Variants in ESR1 observed in about 807,000 individuals in gnomAD.
ESR1 encodes estrogen receptor 1, also known as estrogen receptor.
ESR1 carries 12 observed loss-of-function variants against 52.7 expected under a neutral mutation model. That is an observed-to-expected ratio of 0.23 (90% confidence interval 0.15 to 0.37). ESR1 has a LOEUF of 0.37. ESR1 is among the 10% of genes least tolerant of loss of function. The pLI is 1.00. For missense variants in ESR1, 584 were observed against 779.7 expected (o/e 0.75, Z 2.99); for synonymous variants, 305 against 316.8 (o/e 0.96, Z 0.39).
intron 2 of ESR1, among the ~76,000 whole-genome samples, chr6:151,739,137 T>C (rs1044823506): frequency 5.3e-5 from 8 of 152,340 alleles, no homozygotes; most frequent in Admixed American, 5.2e-4. Flanking sequence ...CTGTCTTGTC[T>C]TGACCACTAG....
At chr6:152,120,232 A>G (rs918122906) in intron 6 of ESR1, among the ~76,000 whole-genome samples, 3 of 152,192 alleles carry the variant, frequency 2.0e-5, no homozygotes, top group African/African-American at 7.2e-5. Context: ...CCTGAAGGGC[A>G]AAACTGCTCT....
chr6:151,984,444 A>C (rs1269890765), intron 4 of ESR1, among the ~76,000 whole-genome samples: 2 of 152,170 alleles, frequency 1.3e-5, no homozygotes, highest in Admixed American at 6.5e-5. Context: ...CTTGGTAATC[A>C]ATGTTGGGAC....
rs775405192 is a variant in ESR1, at chr6:151,944,229, G to A, written c.817G>A (p.Asp273Asn). ...GTTGAAACACAAGCGCCAGAGAGATGATGGGGAGGGCAGGGGTGAAGTGGG... is the reference window on the plus strand; with the variant it reads ...GTTGAAACACAAGCGCCAGAGAGATAATGGGGAGGGCAGGGGTGAAGTGGG... ...RMLKHKRQRD[D>N]GEGRGEVGSA... is the part of the protein sequence containing the mutation. Residue 273 changes from aspartate to asparagine, a missense_variant, in exon 4 of 8, where the codon GAT becomes AAT. Asp to Asn is a conservative substitution (Grantham distance 23). Around this residue, in one of 6 missense-constraint regions of ESR1, gnomAD observed 88 missense variants for 88.3 expected, o/e 1.00. Coordinates refer to ENST00000206249, the MANE Select transcript of ESR1 (RefSeq NM_000125.4). 10 of 1,614,052 alleles carry A rather than the reference G, an allele frequency of 6.2e-6. No individual in the cohort carries two copies. The East Asian group carries it at 1.8e-4, about 29-fold the overall frequency.
At chr6:151,801,672 T>C (rs921374246), upstream of ESR1, among the ~76,000 whole-genome samples, 1 of 152,252 alleles carries the variant, frequency 6.6e-6, no homozygotes, top group Non-Finnish European at 1.5e-5. Context: ...ATTTGACTTC[T>C]TGTTAATGTG....
At chr6:152,004,736 C>T (rs1211597172) in intron 4 of ESR1, among the ~76,000 whole-genome samples, 1 of 151,864 alleles carries the variant, frequency 6.6e-6, no homozygotes, top group East Asian at 1.9e-4. Context: ...GTCTTCATTA[C>T]ATTACATAAA....
Position 151,851,887 on chromosome 6 carries a change from G to C in ESR1, c.643+9100G>C, listed in dbSNP as rs554203017. Among the ~76,000 whole-genome samples, 244 of 152,202 alleles carry C rather than the reference G, an allele frequency of 1.6e-3. 1 individual carries two copies. Among genetic ancestry groups the C allele is most frequent in the African/African-American group, 5.6e-3 (231 of 41,544 alleles). On this transcript the variant is annotated intron_variant, in intron 2 of 7. Transcript: ENST00000206249. ...GAGGTATATAGGAGGGACCAGAGAAGGGAAAGAATCAAAGCGTGAAGACCA... is the reference window on the plus strand; with the variant it reads ...GAGGTATATAGGAGGGACCAGAGAACGGAAAGAATCAAAGCGTGAAGACCA...
intron 1 of ESR1, among the ~76,000 whole-genome samples, chr6:151,667,934 G>A (rs551799636): frequency 6.6e-6 from 1 of 152,300 alleles, no homozygotes; most frequent in African/African-American, 2.4e-5. Context: ...AATATTAAGT[G>A]CATTCATGGG....
chr6:151,990,276 G>A (rs2040882607), intron 4 of ESR1, among the ~76,000 whole-genome samples: 1 of 151,854 alleles, frequency 6.6e-6, no homozygotes, highest in Non-Finnish European at 1.5e-5. Context: ...CAGACAGAAA[G>A]GAGAGAAACA....
At chr6:151,812,847 C>G (rs1169214141) in intron 1 of ESR1, among the ~76,000 whole-genome samples, 1 of 152,018 alleles carries the variant, frequency 6.6e-6, no homozygotes, top group African/African-American at 2.4e-5. Context: ...AAAATACAGC[C>G]ACTTGAAACC....
chr6:152,051,598 C>CCCT (rs2046685708), intron 5 of ESR1, among the ~76,000 whole-genome samples: 1 of 152,070 alleles, frequency 6.6e-6, no homozygotes, highest in East Asian at 1.9e-4. Context: ...TCTCTCCTCT[C>CCCT]CCTCTGTGCA....
chr6:151,703,534 T>A (rs1779951938), intron 2 of ESR1, among the ~76,000 whole-genome samples: 1 of 152,178 alleles, frequency 6.6e-6, no homozygotes, highest in Admixed American at 6.5e-5. Context: ...TGTTAATGGG[T>A]GAGCTGCTCT....
At chr6:151,925,188 G>A (rs1335504863) in intron 3 of ESR1, among the ~76,000 whole-genome samples, 1 of 151,966 alleles carries the variant, frequency 6.6e-6, no homozygotes, top group East Asian at 1.9e-4. Flanking sequence ...GGTGTGAGAT[G>A]ATATCTCATC....
intron 4 of ESR1, among the ~76,000 whole-genome samples, chr6:151,982,302 A>T (rs728524): frequency 6.6e-6 from 1 of 152,130 alleles, no homozygotes; most frequent in Non-Finnish European, 1.5e-5. Context: ...AAAGGCGCTT[A>T]TGTTTCCTTT....
intron 2 of ESR1, among the ~76,000 whole-genome samples, chr6:151,737,840 ATAT>A (rs1260897931): frequency 1.3e-5 from 2 of 152,210 alleles, no homozygotes; most frequent in African/African-American, 2.4e-5. Context: ...TCAAATAATG[ATAT>A]TATTATTTTT....
chr6:151,915,155 A>G (rs1346069908), intron 3 of ESR1, among the ~76,000 whole-genome samples: 4 of 151,706 alleles, frequency 2.6e-5, no homozygotes, highest in African/African-American at 7.3e-5. Context: ...AGATCATGCC[A>G]TTGCACTCCA....
At chr6:152,039,319 A>G (rs1345783745) in intron 5 of ESR1, among the ~76,000 whole-genome samples, 1 of 152,144 alleles carries the variant, frequency 6.6e-6, no homozygotes, top group Non-Finnish European at 1.5e-5. Context: ...GAGACACCCT[A>G]AGGAATTTCC....
At chr6:151,908,884 T>G (rs1584143115) in intron 3 of ESR1, among the ~76,000 whole-genome samples, 1 of 152,104 alleles carries the variant, frequency 6.6e-6, no homozygotes, top group East Asian at 1.9e-4. Context: ...CAATTTTTTT[T>G]TTTTTTCATA....
chr6:152,016,890 G>C (rs1367671179), intron 5 of ESR1, among the ~76,000 whole-genome samples: 1 of 152,084 alleles, frequency 6.6e-6, no homozygotes, highest in Non-Finnish European at 1.5e-5. Flanking sequence ...TAGAAATAGG[G>C]GGGAAAGATA....
At chr6:151,666,280 G>T (rs963887117) in intron 1 of ESR1, among the ~76,000 whole-genome samples, 1 of 152,210 alleles carries the variant, frequency 6.6e-6, no homozygotes, top group Admixed American at 6.5e-5. Flanking sequence ...AGGAAAAAAA[G>T]TTGTGTGGTT....
Sources: allele counts gnomAD v4.1 joint callset (sites outside exome capture counted in the v4.1 genomes callset), GRCh38; gene constraint gnomAD v4.1.1; regional missense constraint gnomAD v4.1.1; transcripts MANE v1.5; gene names NCBI Gene and HGNC (gene_info 2026-07-23, HGNC 2026-07-21).